The following CYSLTR2 variants were observed in gnomAD, a reference collection of about 807,000 sequenced individuals.
The protein encoded by CYSLTR2 is cysteinyl leukotriene receptor 2.
For missense variants in CYSLTR2, 398 were observed against 411.9 expected (o/e 0.97, Z 0.29); for synonymous variants, 179 against 160.8 (o/e 1.11, Z -0.86).
chr13:48,682,791 CA>C (rs1953791830), intron 1 of CYSLTR2, among the ~76,000 whole-genome samples: 1 of 152,074 alleles, frequency 6.6e-6, no homozygotes, highest in Admixed American at 6.6e-5. Flanking sequence ...AAATTCGTGT[CA>C]CAGGGATTTC....
At chr13:48,690,060 T>C (rs987068833) in intron 1 of CYSLTR2, among the ~76,000 whole-genome samples, 1 of 152,172 alleles carries the variant, frequency 6.6e-6, no homozygotes, top group African/African-American at 2.4e-5. Context: ...TCTGCTTGTT[T>C]ATTATTGGTG....
At chr13:48,685,683 T>A (rs1219682386) in intron 1 of CYSLTR2, among the ~76,000 whole-genome samples, 2 of 152,212 alleles carry the variant, frequency 1.3e-5, no homozygotes, top group Non-Finnish European at 2.9e-5. Flanking sequence ...CCCTTGCTGG[T>A]TGATCTAGCC....
chr13:48,685,419 G>T (rs1052454724), intron 1 of CYSLTR2, among the ~76,000 whole-genome samples: 6 of 152,072 alleles, frequency 3.9e-5, no homozygotes, highest in African/African-American at 1.4e-4. Flanking sequence ...CATAAGATTT[G>T]GGTGAACACA....
At chr13:48,665,836 G>C (rs969833615) in intron 1 of CYSLTR2, among the ~76,000 whole-genome samples, 11 of 151,888 alleles carry the variant, frequency 7.2e-5, no homozygotes, top group African/African-American at 2.7e-4. Flanking sequence ...GGGAGGTGAG[G>C]ACTTACTTCT....
intron 4 of CYSLTR2, among the ~76,000 whole-genome samples, chr13:48,701,604 A>T (rs1329440821): frequency 6.6e-6 from 1 of 152,270 alleles, no homozygotes; most frequent in Non-Finnish European, 1.5e-5. Flanking sequence ...GGCAAAGGAT[A>T]TGAACAGACA....
intron 2 of CYSLTR2, among the ~76,000 whole-genome samples, chr13:48,691,533 G>T (rs1954038740): frequency 6.6e-6 from 1 of 152,084 alleles, no homozygotes; most frequent in African/African-American, 2.4e-5. Flanking sequence ...GCTTCCACAA[G>T]CTTTGCTGCA....
chr13:48,683,740 C>T (rs965917668), intron 1 of CYSLTR2, among the ~76,000 whole-genome samples: 11 of 152,144 alleles, frequency 7.2e-5, no homozygotes, highest in Non-Finnish European at 1.5e-4. Flanking sequence ...AGTTTAATTA[C>T]ATCCTATTTA....
intron 1 of CYSLTR2, among the ~76,000 whole-genome samples, chr13:48,668,342 T>C (rs1188992540): frequency 1.3e-5 from 2 of 151,668 alleles, no homozygotes; most frequent in Admixed American, 6.6e-5. Context: ...GTTAGGCACA[T>C]TGCAGGTTGA....
Position 48,707,560 on chromosome 13 carries a change from C to T in CYSLTR2, c.743C>T (p.Thr248Ile). The T allele has an allele frequency of 6.2e-7, 1 of 1,608,486 alleles. No homozygotes were observed. The highest frequency in any genetic ancestry group is 8.5e-7 in the Non-Finnish European group (1 of 1,179,994). ...GTTTCTCACAGGAAGGCACTGACCA[C>T]CATCATCATCACCTTGATCATCTTC... is the stretch of plus-strand genomic sequence containing the variant. ...LRVSHRKALTTIIITLIIFFL... is the reference protein window; with the variant it reads ...LRVSHRKALTIIIITLIIFFL... The change falls in exon 5 of 5, where the codon ACC becomes ATC. Residue 248 changes from threonine to isoleucine, a missense_variant. Physicochemically the swap from Thr to Ile is moderately conservative, Grantham distance 89. Coordinates refer to ENST00000682523, the MANE Select transcript of CYSLTR2 (RefSeq NM_001308476.3).
chr13:48,701,813 G>A (rs1387158548), intron 4 of CYSLTR2, among the ~76,000 whole-genome samples: 1 of 152,158 alleles, frequency 6.6e-6, no homozygotes, highest in Non-Finnish European at 1.5e-5. Context: ...ACTGTTGGTG[G>A]GACTGTAAAC....
chr13:48,698,767 C>T (rs1954262053), intron 4 of CYSLTR2, among the ~76,000 whole-genome samples: 1 of 152,168 alleles, frequency 6.6e-6, no homozygotes, highest in African/African-American at 2.4e-5. Context: ...GTGCTGTATT[C>T]AGGAGACCCA....
At chr13:48,681,759 C>CCT (rs1232027405) in intron 1 of CYSLTR2, among the ~76,000 whole-genome samples, 1 of 152,180 alleles carries the variant, frequency 6.6e-6, no homozygotes. Flanking sequence ...CTTGGTCCTG[C>CCT]CTCTCTCGAG....
chr13:48,695,358 T>TC, intron 3 of CYSLTR2, among the ~76,000 whole-genome samples: 2 of 150,182 alleles, frequency 1.3e-5, no homozygotes, highest in Admixed American at 6.7e-5. Context: ...TTTCCCTTTC[T>TC]TTTTCCTTTC....
intron 1 of CYSLTR2, among the ~76,000 whole-genome samples, chr13:48,659,925 A>G (rs1311667455): frequency 6.6e-6 from 1 of 152,220 alleles, no homozygotes; most frequent in Non-Finnish European, 1.5e-5. Flanking sequence ...TGTTATATTA[A>G]CCAAGGAGAG....
At chr13:48,677,869 T>G (rs1161500293) in intron 1 of CYSLTR2, among the ~76,000 whole-genome samples, 4 of 72,298 alleles carry the variant, frequency 5.5e-5, no homozygotes, top group Non-Finnish European at 9.7e-5. Context: ...CCTGGTACTA[T>G]TTTTTTTTTT....
intron 1 of CYSLTR2, among the ~76,000 whole-genome samples, chr13:48,655,918 T>C (rs1014494465): frequency 1.3e-5 from 2 of 152,244 alleles, no homozygotes; most frequent in African/African-American, 2.4e-5. Context: ...AATGTTTATA[T>C]AATTGGCTAT....
In CYSLTR2 at chr13:48,659,088, C is replaced by T. The variant is rs148638009; in HGVS notation, c.-266+5071C>T. ...GAAAGGAGGAAGTTGATGGAGGCTGCTGGGTAAACAGGCCAGGTCTGCCAC... is the reference window on the plus strand; with the variant it reads ...GAAAGGAGGAAGTTGATGGAGGCTGTTGGGTAAACAGGCCAGGTCTGCCAC... On this transcript the variant is annotated intron_variant, in intron 1 of 4. Coordinates refer to ENST00000682523, the MANE Select transcript of CYSLTR2 (RefSeq NM_001308476.3). 6.1e-4 allele frequency among the ~76,000 whole-genome samples: 92 copies of T among 152,054 alleles called. No individual in the cohort carries two copies. In the East Asian group the frequency reaches 0.016, roughly 27 times the overall value.
intron 1 of CYSLTR2, among the ~76,000 whole-genome samples, chr13:48,663,912 G>A (rs1329248799): frequency 3.3e-5 from 5 of 151,884 alleles, no homozygotes; most frequent in African/African-American, 1.2e-4. Context: ...CCCTGTTCTT[G>A]GAAGAAAAAC....
intron 1 of CYSLTR2, among the ~76,000 whole-genome samples, chr13:48,673,585 G>T (rs1953509967): frequency 6.6e-6 from 1 of 151,888 alleles, no homozygotes; most frequent in South Asian, 2.1e-4. Context: ...CAATTTGCCA[G>T]TCTTTGTCTT....
Sources: allele counts gnomAD v4.1 joint callset (sites outside exome capture counted in the v4.1 genomes callset), GRCh38; gene constraint gnomAD v4.1.1; transcripts MANE v1.5; gene names NCBI Gene and HGNC (gene_info 2026-07-23, HGNC 2026-07-21).